Variants in NCOA1 observed in about 807,000 individuals in gnomAD.
NCOA1 encodes the protein nuclear receptor coactivator 1.
A neutral mutation model predicts 150.9 loss-of-function variants in NCOA1; 35 were observed. The ratio of observed to expected loss-of-function variants is 0.23; its 90% CI spans 0.18 to 0.31. The LOEUF (loss-of-function observed/expected upper bound fraction) is 0.31. NCOA1 is among the 10% of genes least tolerant of loss of function. The pLI is 1.00. For missense variants in NCOA1, 1,491 were observed against 1,749.3 expected, an observed-to-expected ratio of 0.85 and a Z score of 2.63; for synonymous variants, 590 against 630.0, an observed-to-expected ratio of 0.94 and a Z score of 0.95.
intron 5 of NCOA1, among the ~76,000 whole-genome samples, chr2:24,661,983 T>C (rs1671204779): frequency 1.3e-5 from 2 of 152,238 alleles, no homozygotes; most frequent in Non-Finnish European, 1.5e-5. Context: ...TCACATTTGC[T>C]TTAAAAATAT....
At chr2:24,681,696 C>G (rs55991305) in intron 7 of NCOA1, among the ~76,000 whole-genome samples, 1 of 150,062 alleles carries the variant, frequency 6.7e-6, no homozygotes, top group Non-Finnish European at 1.5e-5. Flanking sequence ...AGACAGCAAA[C>G]TTGGTACCCT....
At chr2:24,653,355 A>C (rs1670789368) in intron 4 of NCOA1, among the ~76,000 whole-genome samples, 1 of 152,202 alleles carries the variant, frequency 6.6e-6, no homozygotes, top group Non-Finnish European at 1.5e-5. Flanking sequence ...TTCTAGACCA[A>C]GAAGGCAGTT....
chr2:24,582,707 T>A (rs1331597339), intron 2 of NCOA1, among the ~76,000 whole-genome samples: 2 of 152,174 alleles, frequency 1.3e-5, no homozygotes, highest in Non-Finnish European at 2.9e-5. Flanking sequence ...CTTCAAAATA[T>A]ACTGCAAAGC....
intron 3 of NCOA1, among the ~76,000 whole-genome samples, chr2:24,612,951 G>A (rs770614317): frequency 1.1e-4 from 16 of 152,196 alleles, no homozygotes; most frequent in Non-Finnish European, 1.6e-4. Context: ...GTGTCACTAC[G>A]ATCAGATTTT....
At chr2:24,528,909 C>T (rs1366394842) in intron 1 of NCOA1, among the ~76,000 whole-genome samples, 1 of 151,930 alleles carries the variant, frequency 6.6e-6, no homozygotes, top group African/African-American at 2.4e-5. Flanking sequence ...TTTTTTGAGA[C>T]AGTCTCTCAC....
chr2:24,535,796 G>A (rs908448163), intron 1 of NCOA1, among the ~76,000 whole-genome samples: 1 of 152,144 alleles, frequency 6.6e-6, no homozygotes, highest in Non-Finnish European at 1.5e-5. Context: ...CTACTGGCTT[G>A]TAAGGTTTCT....
chr2:24,504,969 T>C (rs531110997), intron 1 of NCOA1, among the ~76,000 whole-genome samples: 2 of 152,194 alleles, frequency 1.3e-5, no homozygotes, highest in African/African-American at 4.8e-5. Context: ...TCTCCATTTT[T>C]TGTTTGCCTT....
At chr2:24,533,635 T>C (rs1664993825) in intron 1 of NCOA1, among the ~76,000 whole-genome samples, 2 of 152,218 alleles carry the variant, frequency 1.3e-5, no homozygotes, top group African/African-American at 4.8e-5. Context: ...ATACCTAGTT[T>C]ATTGAGAGTT....
chr2:24,679,507 A>T (rs186064854), intron 7 of NCOA1, among the ~76,000 whole-genome samples: 108 of 152,304 alleles, frequency 7.1e-4, no homozygotes, highest in Non-Finnish European at 8.8e-5. Context: ...TTTAATCTTT[A>T]TAAGTATATA....
In NCOA1 at chr2:24,643,579, GA is replaced by G. The variant is rs532299952; in HGVS notation, c.-174-386del. ...GAAATTTGAAGACAAAATATTATAG[GA>G]GTATTACATAAGTAAATAATTATGT... On this transcript the variant is annotated intron_variant, in intron 3 of 22. Transcript: ENST00000348332. Among the ~76,000 whole-genome samples, 451 of 152,170 alleles carry G rather than the reference GA, an allele frequency of 3.0e-3. 2 individuals are homozygous for G. The highest frequency in any genetic ancestry group is 0.011 in the African/African-American group (439 of 41,524).
rs78521093 is a variant in NCOA1 at position 24,606,700 on chromosome 2, T to A, written c.-175+22140T>A. ...GGATAGTGAGAAATACCATGTTATATGAGTATTTCAGATACTCCCAAACTT... is the reference window on the plus strand; with the variant it reads ...GGATAGTGAGAAATACCATGTTATAAGAGTATTTCAGATACTCCCAAACTT... On this transcript the variant is annotated intron_variant, in intron 3 of 22. Coordinates refer to ENST00000348332, the MANE Select transcript of NCOA1 (RefSeq NM_003743.5). Among the ~76,000 whole-genome samples the A allele has an allele frequency of 1.0e-3, 154 of 152,334 alleles. 3 individuals carry two copies. The East Asian group carries it at 0.028, about 27-fold the overall frequency.
intron 4 of NCOA1, among the ~76,000 whole-genome samples, chr2:24,656,451 A>G (rs567690225): frequency 2.6e-5 from 4 of 152,178 alleles, no homozygotes; most frequent in African/African-American, 4.8e-5. Flanking sequence ...CCTCACGTCA[A>G]TCATTTTTCA....
rs1168883760 is a variant in NCOA1 at position 24,769,281 on chromosome 2, A to G, written c.*890A>G. On this transcript the variant is annotated 3_prime_UTR_variant, in exon 23 of 23. Coordinates refer to ENST00000348332, the MANE Select transcript of NCOA1 (RefSeq NM_003743.5). ...TTTCCCTTTAAATCTCATTGTAAAT[A>G]TATTTGATTTCTTGTAGAAATTGAT... 3 of 188,990 alleles carry G rather than the reference A, an allele frequency of 1.6e-5. No individual in the cohort carries two copies. Among genetic ancestry groups the G allele is most frequent in the Non-Finnish European group, 3.3e-5 (3 of 89,688 alleles). The allele number at this position is 188,990 out of a possible 1,614,324, so 11.7% of individuals were successfully genotyped here.
At chr2:24,762,606 T>G in intron 21 of NCOA1, 81 bp from the exon 22 acceptor site, 46 of 1,213,950 alleles carry the variant, frequency 3.8e-5, no homozygotes, top group African/African-American at 6.0e-5. Flanking sequence ...TTTCTGTCAG[T>G]GAGATTGTTT....
At chr2:24,507,813 T>C (rs1490358472) in intron 1 of NCOA1, among the ~76,000 whole-genome samples, 1 of 152,200 alleles carries the variant, frequency 6.6e-6, no homozygotes, top group Admixed American at 6.5e-5. Flanking sequence ...TATAGGACCT[T>C]GTAGCATATG....
chr2:24,624,733 C>T (rs1025963686), intron 3 of NCOA1, among the ~76,000 whole-genome samples: 11 of 152,116 alleles, frequency 7.2e-5, no homozygotes, highest in Non-Finnish European at 4.4e-5. Flanking sequence ...TATTACTCTA[C>T]GTATCAATAT....
chr2:24,508,063 A>G (rs1663780664), intron 1 of NCOA1, among the ~76,000 whole-genome samples: 2 of 152,134 alleles, frequency 1.3e-5, no homozygotes, highest in African/African-American at 4.8e-5. Flanking sequence ...AGGAGCTATA[A>G]TTTTTATTAA....
chr2:24,718,566 T>A (rs1026142439), intron 14 of NCOA1, among the ~76,000 whole-genome samples: 1 of 151,834 alleles, frequency 6.6e-6, no homozygotes, highest in Admixed American at 6.6e-5. Context: ...GCGCGGTGGC[T>A]CACACCTGTA....
intron 4 of NCOA1, among the ~76,000 whole-genome samples, chr2:24,650,317 A>G (rs867692746): frequency 2.0e-5 from 3 of 152,336 alleles, no homozygotes; most frequent in Non-Finnish European, 1.5e-5. Context: ...GCATGCAAAG[A>G]AACAAAAATA....
Sources: allele counts gnomAD v4.1 joint callset (sites outside exome capture counted in the v4.1 genomes callset), GRCh38; gene constraint gnomAD v4.1.1; transcripts MANE v1.5; gene names NCBI Gene and HGNC (gene_info 2026-07-23, HGNC 2026-07-21).